The following AFG1L variants were observed in gnomAD, a reference collection of about 807,000 sequenced individuals.
AFG1L encodes AFG1 like ATPase.
In AFG1L, 53 loss-of-function variants were observed where a neutral mutation model predicts 62.2. The observed-to-expected ratio is 0.85, with a 90% CI of 0.68 to 1.07. The LOEUF (loss-of-function observed/expected upper bound fraction) is 1.07. Among genes scored for constraint, AFG1L ranks in the 50% least tolerant of loss-of-function variants. The pLI is 0.00. For synonymous variants in AFG1L, 228 were observed against 210.3 expected, an observed-to-expected ratio of 1.08 and a Z score of -0.73; for missense variants, 555 against 590.5, an observed-to-expected ratio of 0.94 and a Z score of 0.62.
intron 10 of AFG1L, among the ~76,000 whole-genome samples, chr6:108,509,156 G>A (rs1485433787): frequency 6.6e-6 from 1 of 152,190 alleles, no homozygotes; most frequent in African/African-American, 2.4e-5. Context: ...CCCAAAGAAT[G>A]TGTTTGCAGA....
At chr6:108,384,171 G>A (rs1364076649) in intron 6 of AFG1L, among the ~76,000 whole-genome samples, 1 of 152,098 alleles carries the variant, frequency 6.6e-6, no homozygotes, top group Non-Finnish European at 1.5e-5. Context: ...TCAGGGCAGG[G>A]TAAAGTCAGT....
At chr6:108,433,507 G>A (rs1465298592) in intron 7 of AFG1L, among the ~76,000 whole-genome samples, 5 of 151,720 alleles carry the variant, frequency 3.3e-5, no homozygotes, top group Non-Finnish European at 7.4e-5. Flanking sequence ...GGCTGGTCTC[G>A]AACTCCTGAC....
At chr6:108,445,027 G>T (rs1771707196) in intron 7 of AFG1L, among the ~76,000 whole-genome samples, 1 of 152,208 alleles carries the variant, frequency 6.6e-6, no homozygotes, top group African/African-American at 2.4e-5. Flanking sequence ...AAAATCTGTT[G>T]TTTAGTGTAG....
chr6:108,425,440 A>G (rs1450548706), intron 7 of AFG1L, among the ~76,000 whole-genome samples: 3 of 151,442 alleles, frequency 2.0e-5, no homozygotes, highest in African/African-American at 7.3e-5. Context: ...GTGTATGTGT[A>G]TACTCACAGA....
At chr6:108,498,596 A>T (rs1774058114) in intron 10 of AFG1L, among the ~76,000 whole-genome samples, 1 of 152,232 alleles carries the variant, frequency 6.6e-6, no homozygotes, top group African/African-American at 2.4e-5. Flanking sequence ...ATTTGGCAGC[A>T]TCGATATGTA....
In AFG1L at chr6:108,380,457, T is replaced by C. The variant is rs892790069; in HGVS notation, c.748+14125T>C. Among the ~76,000 whole-genome samples the C allele has an allele frequency of 7.9e-5, 12 of 152,196 alleles. No homozygotes were observed. The South Asian group carries it at 8.3e-4, about 10-fold the overall frequency. ...TGCAGGTTTCCAAGCTGGCCCTGGC[T>C]GCAAGTCTCGCCACCCAGGAGAAAC... is the stretch of plus-strand genomic sequence containing the variant. On this transcript the variant is annotated intron_variant, in intron 6 of 12. Transcript: ENST00000368977.
At chr6:108,514,124 A>G (rs1301985762) in intron 11 of AFG1L, among the ~76,000 whole-genome samples, 1 of 152,246 alleles carries the variant, frequency 6.6e-6, no homozygotes, top group Non-Finnish European at 1.5e-5. Context: ...CGTCACCATC[A>G]TCAAAGACCA....
chr6:108,418,863 A>G (rs890325757), intron 7 of AFG1L, among the ~76,000 whole-genome samples: 8 of 152,216 alleles, frequency 5.3e-5, no homozygotes, highest in Non-Finnish European at 1.0e-4. Flanking sequence ...GAACCAGTTG[A>G]TATTTTGAAC....
rs1223831559 is a variant in AFG1L, at chr6:108,347,133, A to G, written c.415+94A>G. ...TTCTATTTCTATCCCTCAATCTGTT[A>G]CCAGCAAGGGAATAGGATGAGGCAG... is the stretch of plus-strand genomic sequence containing the variant. On this transcript the variant is annotated intron_variant, in intron 3 of 12. Coordinates refer to ENST00000368977, the MANE Select transcript of AFG1L (RefSeq NM_145315.5). The G allele has an allele frequency of 1.0e-5, 11 of 1,071,768 alleles. No individual in the cohort carries two copies. The Admixed American group carries it at 1.1e-4, about 10-fold the overall frequency. 66.4% of individuals were successfully genotyped at this position (1,071,768 alleles called of 1,614,324 possible).
intron 11 of AFG1L, among the ~76,000 whole-genome samples, chr6:108,512,097 G>A (rs937600049): frequency 2.0e-5 from 3 of 152,186 alleles, no homozygotes; most frequent in Non-Finnish European, 4.4e-5. Context: ...AGATTCCAGA[G>A]CTCACCCATT....
chr6:108,517,712 A>G (rs1340452618), intron 11 of AFG1L, among the ~76,000 whole-genome samples: 2 of 152,356 alleles, frequency 1.3e-5, no homozygotes, highest in Admixed American at 6.5e-5. Flanking sequence ...CAGAGTGAAC[A>G]GGCAGCCTAC....
intron 10 of AFG1L, among the ~76,000 whole-genome samples, chr6:108,479,135 G>T (rs957003546): frequency 6.6e-6 from 1 of 151,990 alleles, no homozygotes; most frequent in Non-Finnish European, 1.5e-5. Context: ...GGGACTGCAG[G>T]CACACAACGC....
At chr6:108,425,770 TTATC>T (rs988940023) in intron 7 of AFG1L, among the ~76,000 whole-genome samples, 22 of 152,276 alleles carry the variant, frequency 1.4e-4, no homozygotes, top group African/African-American at 4.8e-4. Context: ...AAGGAACTCT[TTATC>T]TTTCTTTTAT....
intron 7 of AFG1L, among the ~76,000 whole-genome samples, chr6:108,428,440 T>C (rs1770922763): frequency 6.6e-6 from 1 of 152,212 alleles, no homozygotes; most frequent in African/African-American, 2.4e-5. Context: ...TTTGATGTAA[T>C]GGTTTCTTTT....
Position 108,427,801 on chromosome 6 carries a change from C to T in AFG1L, c.808-19413C>T, listed in dbSNP as rs145855961. 3.9e-3 allele frequency among the ~76,000 whole-genome samples: 595 copies of T among 152,142 alleles called. 6 individuals carry two copies. Among genetic ancestry groups the T allele is most frequent in the African/African-American group, 0.014 (572 of 41,514 alleles). On this transcript the variant is annotated intron_variant, in intron 7 of 12. Transcript: ENST00000368977. ...CCTCCCAAAGTGCTGGGATTACAGG[C>T]GTGAGCCACCACCCCGGCCTCAAAA...
At chr6:108,494,765 C>A (rs1773911047) in intron 10 of AFG1L, among the ~76,000 whole-genome samples, 1 of 150,248 alleles carries the variant, frequency 6.7e-6, no homozygotes, top group Admixed American at 6.6e-5. Context: ...TTCTTTTTTT[C>A]TTTTCTTTTC....
chr6:108,494,775 C>CTTT (rs757204340), intron 10 of AFG1L, among the ~76,000 whole-genome samples: 4 of 142,254 alleles, frequency 2.8e-5, no homozygotes, highest in Non-Finnish European at 6.2e-5. Flanking sequence ...CTTTTCTTTT[C>CTTT]TTTTTTTTTT....
chr6:108,433,025 G>A lies in AFG1L; in HGVS notation c.808-14189G>A, dbSNP rs575493307. Among the ~76,000 whole-genome samples the A allele has an allele frequency of 1.1e-3, 173 of 152,220 alleles. 4 individuals are homozygous for A. The highest frequency in any genetic ancestry group is 1.4e-3 in the Non-Finnish European group (97 of 68,008). Reference sequence around the variant, plus strand: ...ATAATCAGGGTAGCTCAGGACTTTCGTTTTATAGACATAGAAAAGTACTCA... The same window carrying A: ...ATAATCAGGGTAGCTCAGGACTTTCATTTTATAGACATAGAAAAGTACTCA... On this transcript the variant is annotated intron_variant, in intron 7 of 12. Coordinates refer to ENST00000368977, the MANE Select transcript of AFG1L (RefSeq NM_145315.5).
intron 7 of AFG1L, among the ~76,000 whole-genome samples, chr6:108,440,106 A>G (rs1361055549): frequency 2.0e-5 from 3 of 152,208 alleles, no homozygotes; most frequent in African/African-American, 4.8e-5. Flanking sequence ...ATTCATTTCT[A>G]CTGTTATGCT....
Sources: allele counts gnomAD v4.1 joint callset (sites outside exome capture counted in the v4.1 genomes callset), GRCh38; gene constraint gnomAD v4.1.1; transcripts MANE v1.5; gene names NCBI Gene and HGNC (gene_info 2026-07-23, HGNC 2026-07-21).